CLUH: variants seen among roughly 807,000 people sequenced by gnomAD.
CLUH encodes the protein clustered mitochondria protein homolog.
In CLUH, 77 loss-of-function variants were observed where a neutral mutation model predicts 139.3. The observed-to-expected ratio is 0.55, with a 90% confidence interval of 0.46 to 0.67. CLUH has a LOEUF of 0.67. CLUH is among the 30% of genes least tolerant of loss of function. The pLI, the probability that CLUH is intolerant of heterozygous loss-of-function variation, is 0.00. For missense variants in CLUH, 1,876 were observed against 1,875.8 expected, an observed-to-expected ratio of 1.00 and a Z score of 0.00; for synonymous variants, 999 against 801.6, an observed-to-expected ratio of 1.25 and a Z score of -4.16.
At position 2,697,930 on chromosome 17, in the gene CLUH, G is replaced by T; in HGVS notation, c.1927C>A (p.Arg643Ser). 1 of 1,538,286 alleles carries T rather than the reference G, an allele frequency of 6.5e-7. No individual in the cohort carries two copies. Among genetic ancestry groups the T allele is most frequent in the South Asian group, 1.2e-5 (1 of 83,430 alleles). The change falls in exon 10 of 26, where the codon CGC (arginine) becomes AGC (serine). Residue 643 changes from arginine to serine, a missense_variant. Around this residue, in one of 3 missense-constraint regions of CLUH, gnomAD observed 1,454 missense variants for 1,384.4 expected, o/e 1.05. Transcript: ENST00000651024. The part of the protein sequence containing the change: ...RAHRHKLCCL[R>S]QELVDAFVEH... ...ACGAAGGCGTCCACCAGCTCCTGGCGCAGGCAGCAGAGCTTGTGCCGGTGG... is the reference window on the plus strand; with the variant it reads ...ACGAAGGCGTCCACCAGCTCCTGGCTCAGGCAGCAGAGCTTGTGCCGGTGG...
At position 2,703,181 on chromosome 17, in the gene CLUH, G is replaced by T. The variant is rs1026103424; in HGVS notation, c.475+137C>A. The T allele has an allele frequency of 6.6e-6, 6 of 906,384 alleles. No individual in the cohort carries two copies. The African/African-American group carries it at 8.3e-5, about 12-fold the overall frequency. The allele number at this position is 906,384 out of a possible 1,614,324, so 56.1% of individuals were successfully genotyped here. A position where few individuals can be genotyped will look rare whatever the true frequency, so the allele number is the denominator to read the frequency against. ...GAAGTTGGCAGATATAGGTGTGCTG[G>T]CCTGAGAAGCAGATCTGTGCTCCAA... On this transcript the variant is annotated intron_variant, in intron 3 of 25. Coordinates refer to ENST00000651024, the MANE Select transcript of CLUH (RefSeq NM_001366661.1). The surrounding 1 kb of genome is among the most constrained non-coding windows in gnomAD (Gnocchi z 4.2).
At position 2,707,490 on chromosome 17, in the gene CLUH, C is replaced by G; in HGVS notation, c.101-2926G>C. 1.0e-6 allele frequency: 1 copy of G among 985,400 alleles called. No individual in the cohort carries two copies. Among genetic ancestry groups the G allele is most frequent in the Middle Eastern group, 5.2e-4 (1 of 1,914 alleles). 61.0% of individuals were successfully genotyped at this position (985,400 alleles called of 1,614,324 possible). On this transcript the variant is annotated intron_variant, in intron 1 of 25. Coordinates refer to ENST00000651024, the MANE Select transcript of CLUH (RefSeq NM_001366661.1). The surrounding 1 kb of genome is among the most constrained non-coding windows in gnomAD (Gnocchi z 7.4). Reference sequence around the variant, plus strand: ...GGCCCCAGGACCCCAGGGGGAGCTGCTATCAGCACTCAGGCCCACCTCCCT... The same window carrying G: ...GGCCCCAGGACCCCAGGGGGAGCTGGTATCAGCACTCAGGCCCACCTCCCT...
rs770288837 is a variant in CLUH, at chr17:2,698,555, G to A, written c.1302C>T (p.Gly434=). ...CGTTGCCGTCAATGACGGCCATGGCGCCCCTGGTGGCTGCCGCGGTGAAGT... is the reference window on the plus strand; with the variant it reads ...CGTTGCCGTCAATGACGGCCATGGCACCCCTGGTGGCTGCCGCGGTGAAGT... ...HSDFTAAATR[G]AMAVIDGNVM... is the part of the protein sequence containing the mutation. The change falls in exon 10 of 26, where the codon GGC becomes GGT. Residue 434 remains glycine, a synonymous_variant. Transcript: ENST00000651024. 53 of 1,609,276 alleles carry A rather than the reference G, an allele frequency of 3.3e-5. No individual in the cohort carries two copies. The highest frequency in any genetic ancestry group is 3.8e-5 in the Non-Finnish European group (45 of 1,177,616).
rs1439243462 is a variant in CLUH, at chr17:2,696,328, G to C, written c.2291-69C>G. 6 of 1,505,252 alleles carry C rather than the reference G, an allele frequency of 4.0e-6. No homozygotes were observed. In the African/African-American group the frequency reaches 6.9e-5, roughly 17 times the overall value. The allele number at this position is 1,505,252 out of a possible 1,614,324, so 93.2% of individuals were successfully genotyped here. ...ACAAATGCCGCCTGGCGCTGGCGGG[G>C]GAAGCGCTCAGATGGGGGACAAACC... is the stretch of plus-strand genomic sequence containing the variant. On this transcript the variant is annotated intron_variant, in intron 12 of 25. Coordinates refer to ENST00000651024, the MANE Select transcript of CLUH (RefSeq NM_001366661.1).
chr17:2,696,137 A>G (rs758117722), intron 13 of CLUH, 22 bp downstream of exon 13: 1 of 1,453,608 alleles, frequency 6.9e-7, no homozygotes, highest in South Asian at 1.2e-5. Context: ...AGCCCCACCC[A>G]GCCCCGCAGC....
In CLUH at chr17:2,707,122, A is replaced by G. The variant is rs2070373925; in HGVS notation, c.101-2558T>C. On this transcript the variant is annotated intron_variant, in intron 1 of 25. Coordinates refer to ENST00000651024, the MANE Select transcript of CLUH (RefSeq NM_001366661.1). The surrounding 1 kb of genome is among the most constrained non-coding windows in gnomAD (Gnocchi z 7.4). ...TCTCCCCACCCCTGGATGAAGGCTG[A>G]GCGATCTCCCCCGCAGGCAGCTGGC... is the stretch of plus-strand genomic sequence containing the variant. 2.3e-5 allele frequency: 22 copies of G among 959,102 alleles called. No homozygotes were observed. Among genetic ancestry groups the G allele is most frequent in the Non-Finnish European group, 2.6e-5 (21 of 806,054 alleles). 59.4% of individuals were successfully genotyped at this position (959,102 alleles called of 1,614,324 possible).
intron 8 of CLUH, 57 bp downstream of exon 8, chr17:2,700,621 G>A: frequency 6.6e-7 from 1 of 1,521,876 alleles, no homozygotes; most frequent in Non-Finnish European, 8.8e-7. Context: ...CACGGAACCA[G>A]CCCAGCACCC....
At chr17:2,700,502 G>A (rs747886266) in intron 8 of CLUH, 28 bp from the exon 9 acceptor site, 13 of 1,600,140 alleles carry the variant, frequency 8.1e-6, no homozygotes, top group South Asian at 6.7e-5. Context: ...AGGGAAAAAC[G>A]AGCTCAGCCT....
intron 1 of CLUH, among the ~76,000 whole-genome samples, chr17:2,705,558 TCACC>T (rs559560797): frequency 6.8e-4 from 103 of 152,198 alleles, no homozygotes; most frequent in African/African-American, 2.3e-3. Context: ...AAACACTGAC[TCACC>T]CTTCAAGGCC....
Position 2,711,618 on chromosome 17 carries a change from T to C in CLUH, c.44A>G (p.Asp15Gly). The stretch of plus-strand genomic sequence containing the variant: ...CTGCGAGCCGTGTTCCCGGGCGCTG[T>C]CGGCCGGGGCGGCCGCCGGCAACTC... ...TDELPAAAPA[D>G]SAREHGSQAG... The change falls in exon 1 of 26, where the codon GAC becomes GGC. Residue 15 changes from aspartate (D) to glycine (G), a missense_variant. This residue lies in a region of CLUH where 152 missense variants were observed against 136.7 expected (regional missense o/e 1.11). Coordinates refer to ENST00000651024, the MANE Select transcript of CLUH (RefSeq NM_001366661.1). 1.0e-6 allele frequency: 1 copy of C among 983,162 alleles called. No individual in the cohort carries two copies. Among genetic ancestry groups the C allele is most frequent in the African/African-American group, 1.8e-5 (1 of 56,890 alleles). 60.9% of individuals were successfully genotyped at this position (983,162 alleles called of 1,614,324 possible).
chr17:2,695,650 G>C (rs760698656), intron 13 of CLUH, 124 bp from the exon 14 acceptor site: 106 of 1,263,404 alleles, frequency 8.4e-5, no homozygotes, highest in Non-Finnish European at 1.1e-4. Flanking sequence ...CCAGCTCCCA[G>C]TCAGGATGTC....
rs1423764560 is a variant in CLUH at position 2,707,482 on chromosome 17, G to A, written c.101-2918C>T. On this transcript the variant is annotated intron_variant, in intron 1 of 25. Coordinates refer to ENST00000651024, the MANE Select transcript of CLUH (RefSeq NM_001366661.1). The surrounding 1 kb of genome is among the most constrained non-coding windows in gnomAD (Gnocchi z 7.4). ...AACCCGGTGGCCCCAGGACCCCAGG[G>A]GGAGCTGCTATCAGCACTCAGGCCC... The A allele has an allele frequency of 1.0e-6, 1 of 985,260 alleles. No homozygotes were observed. Among genetic ancestry groups the A allele is most frequent in the Admixed American group, 6.1e-5 (1 of 16,262 alleles). The allele number at this position is 985,260 out of a possible 1,614,324, so 61.0% of individuals were successfully genotyped here. A position where few individuals can be genotyped will look rare whatever the true frequency, so the allele number is the denominator to read the frequency against.
rs779874600 is a variant in CLUH at position 2,704,382 on chromosome 17, T to A, written c.283A>T (p.Ile95Phe). The change falls in exon 2 of 26, where the codon ATC (isoleucine) becomes TTC (phenylalanine). Residue 95 changes from isoleucine to phenylalanine, a missense_variant. By Grantham distance (21) the Ile-to-Phe change is conservative. Transcript: ENST00000651024. The surrounding 1 kb of genome is among the most constrained non-coding windows in gnomAD (Gnocchi z 5.7). ...CTTACCTGCAGGGAGAAGGGCTCGA[T>A]CCCAGGGGCGAGGATCTTCACAGAA... ...GFSVKILAPG[I>F]EPFSLQVSPQ... 1.2e-6 allele frequency: 2 copies of A among 1,611,360 alleles called. No homozygotes were observed. The highest frequency in any genetic ancestry group is 1.7e-6 in the Non-Finnish European group (2 of 1,178,928).
Position 2,694,169 on chromosome 17 carries a change from C to T in CLUH, c.3045G>A (p.Ser1015=), listed in dbSNP as rs201926682. 1,565 of 1,613,288 alleles carry T rather than the reference C, an allele frequency of 9.7e-4. 3 individuals carry two copies. The highest frequency in any genetic ancestry group is 1.2e-3 in the Non-Finnish European group (1,413 of 1,179,582). ...PVVKHVNPKA[S]DAFHFFQSGQ... Reference sequence around the variant, plus strand: ...CGCTCTGGAAGAAATGGAAGGCATCCGAGGCCTTGGGGTTGACGTGCTTGA... The same window carrying T: ...CGCTCTGGAAGAAATGGAAGGCATCTGAGGCCTTGGGGTTGACGTGCTTGA... The change falls in exon 18 of 26, where the codon TCG becomes TCA. Residue 1015 remains serine (S), a synonymous_variant. Transcript: ENST00000651024.
In CLUH at chr17:2,690,589, CCT is replaced by C. The variant is rs2069583114; in HGVS notation, c.*3_*4del. The C allele has an allele frequency of 2.8e-6, 4 of 1,450,112 alleles. No homozygotes were observed. Among genetic ancestry groups the C allele is most frequent in the Admixed American group, 2.8e-5 (1 of 35,944 alleles). 89.8% of individuals were successfully genotyped at this position (1,450,112 alleles called of 1,614,324 possible). On this transcript the variant is annotated 3_prime_UTR_variant, in exon 26 of 26. Transcript: ENST00000651024. Reference sequence around the variant, plus strand: ...CGCTGGCTGGCTGTCCGTCTGGCTCCCTCTCTATCCCTGCACGCTCGGAGAAG... The same window carrying C: ...CGCTGGCTGGCTGTCCGTCTGGCTCCCTCTATCCCTGCACGCTCGGAGAAG...
At chr17:2,699,758 A>C (rs962868895) in intron 9 of CLUH, among the ~76,000 whole-genome samples, 1 of 151,734 alleles carries the variant, frequency 6.6e-6, no homozygotes, top group East Asian at 1.9e-4. Flanking sequence ...CAGACTCCCG[A>C]GTAGCTGGGA....
chr17:2,690,469 G>C lies in CLUH; in HGVS notation c.*125C>G. 1 of 828,806 alleles carries C rather than the reference G, an allele frequency of 1.2e-6. No individual in the cohort carries two copies. Among genetic ancestry groups the C allele is most frequent in the South Asian group, 2.6e-5 (1 of 38,308 alleles). 51.3% of individuals were successfully genotyped at this position (828,806 alleles called of 1,614,324 possible). A position where few individuals can be genotyped will look rare whatever the true frequency, so the allele number is the denominator to read the frequency against. On this transcript the variant is annotated 3_prime_UTR_variant, in exon 26 of 26. Coordinates refer to ENST00000651024, the MANE Select transcript of CLUH (RefSeq NM_001366661.1). Reference sequence around the variant, plus strand: ...AGGCTCCCAGGAGGACACGGGGGTGGGGTGGGGTGAGACGTGGAGGAAGAG... The same window carrying C: ...AGGCTCCCAGGAGGACACGGGGGTGCGGTGGGGTGAGACGTGGAGGAAGAG...
chr17:2,707,739 A>G lies in CLUH; in HGVS notation c.101-3175T>C, dbSNP rs755963270. 9.6e-5 allele frequency: 95 copies of G among 985,278 alleles called. No homozygotes were observed. The highest frequency in any genetic ancestry group is 1.1e-4 in the Non-Finnish European group (89 of 829,910). 61.0% of individuals were successfully genotyped at this position (985,278 alleles called of 1,614,324 possible). ...GCTGGCACAGACCCGGGTCCAGGCC[A>G]TAAGGTGGCTGCCTCTGCCCACCAG... On this transcript the variant is annotated intron_variant, in intron 1 of 25. Transcript: ENST00000651024. This position sits in a 1 kb window ranked among gnomAD's most constrained non-coding sequence, Gnocchi z 7.4.
In CLUH at chr17:2,695,427, C is replaced by T. The variant is rs773972027; in HGVS notation, c.2491G>A (p.Val831Met). The change falls in exon 14 of 26, where the codon GTG becomes ATG. Residue 831 changes from valine (V) to methionine (M), a missense_variant. By Grantham distance (21) the Val-to-Met change is conservative. This residue lies in a region of CLUH where 1,454 missense variants were observed against 1,384.4 expected (regional missense o/e 1.05). Transcript: ENST00000651024. ...RGINMRYLGK[V>M]LELVLRSPAR... is the part of the protein sequence containing the mutation. ...GGGCTCCGCAGCACCAGCTCCAGCA[C>T]CTTGCCCAGGTAGCGCATGTTGATG... 2 of 1,612,562 alleles carry T rather than the reference C, an allele frequency of 1.2e-6. No individual in the cohort carries two copies. The highest frequency in any genetic ancestry group is 1.1e-5 in the South Asian group (1 of 91,070).
Sources: gnomAD v4.1 joint callset for allele counts (sites outside exome capture counted in the v4.1 genomes callset) on GRCh38, gnomAD v4.1.1 for gene constraint, gnomAD v4.1.1 regional missense constraint, Gnocchi (gnomAD v3.1) non-coding constraint, MANE v1.5 for transcripts, NCBI Gene and HGNC (gene_info 2026-07-23, HGNC 2026-07-21) for gene names.